The following CPT1B variants were observed in gnomAD, a reference collection of about 807,000 sequenced individuals.
CPT1B encodes the protein carnitine O-palmitoyltransferase 1, muscle isoform.
CPT1B carries 57 observed loss-of-function variants against 92.7 expected under a neutral mutation model. The observed-to-expected ratio is 0.62, with a 90% CI of 0.50 to 0.77. CPT1B has a LOEUF of 0.77. CPT1B is among the 30% of genes least tolerant of loss of function. The probability of loss-of-function intolerance (pLI) is 0.00; values close to 1 mark genes in which losing one functional copy is unlikely to be tolerated. For synonymous variants in CPT1B, 398 were observed against 383.5 expected (o/e 1.04, Z -0.44); for missense variants, 983 against 1,017.4 (o/e 0.97, Z 0.46).
chr22:50,570,831 C>A, intron 16 of CPT1B, 60 bp downstream of exon 16: 1 of 1,583,460 alleles, frequency 6.3e-7, no homozygotes, highest in Non-Finnish European at 8.6e-7. Context: ...CATGAGATGG[C>A]CCAAGCCCTG....
rs1005709421 is a variant in CPT1B at position 50,569,036 on chromosome 22, G to C, written c.*48C>G. On this transcript the variant is annotated 3_prime_UTR_variant, in exon 20 of 20. Transcript: ENST00000312108. ...CACCTCTGTGGTCTGAGCTGGGGGA[G>C]GGGGAGGGCCTCCGAGTTCCCAAAC... is the stretch of plus-strand genomic sequence containing the variant. 3 of 310,354 alleles carry C rather than the reference G, an allele frequency of 9.7e-6. No homozygotes were observed. The South Asian group carries it at 1.2e-4, about 12-fold the overall frequency. 19.2% of individuals were successfully genotyped at this position (310,354 alleles called of 1,614,324 possible).
chr22:50,569,739 T>G, intron 17 of CPT1B, 71 bp from the exon 18 acceptor site: 1 of 1,299,426 alleles, frequency 7.7e-7, no homozygotes, highest in Non-Finnish European at 1.1e-6. Flanking sequence ...GCTGATATTG[T>G]ACTTGTTCTT....
chr22:50,569,159 A>T (rs1312237089), intron 19 of CPT1B, 78 bp from the exon 20 acceptor site: 1 of 588,598 alleles, frequency 1.7e-6, no homozygotes, highest in Non-Finnish European at 3.0e-6. Context: ...TTCCTGCTCC[A>T]ACCCCACCTC....
chr22:50,572,972 C>A lies in CPT1B; in HGVS notation c.1255G>T (p.Val419Leu). Residue 419 changes from valine (V) to leucine (L), a missense_variant, in exon 11 of 20, where the codon GTG (valine) becomes TTG (leucine). Transcript: ENST00000312108. ...GAGTAGGATTCCTCATCCAGGGCCA[C>A]GAAGAAAGCGGCACGCTCGATGGCC... Reference protein sequence around the residue: ...LEAIERAAFFVALDEESYSYD... With the variant: ...LEAIERAAFFLALDEESYSYD... 1 of 1,613,728 alleles carries A rather than the reference C, an allele frequency of 6.2e-7. No individual in the cohort carries two copies. The highest frequency in any genetic ancestry group is 8.5e-7 in the Non-Finnish European group (1 of 1,179,868).
In CPT1B at chr22:50,573,834, C is replaced by T; in HGVS notation, c.971-119G>A. On this transcript the variant is annotated intron_variant, in intron 9 of 19. Coordinates refer to ENST00000312108, the MANE Select transcript of CPT1B (RefSeq NM_152246.3). The surrounding 1 kb of genome is among the most constrained non-coding windows in gnomAD (Gnocchi z 5.0). ...CTGTTTTGCTCGGCCTCTGCCTGGG[C>T]CTTCCTGCCCCCTGGATGGGATCCG... is the stretch of plus-strand genomic sequence containing the variant. 1 of 885,102 alleles carries T rather than the reference C, an allele frequency of 1.1e-6. No individual in the cohort carries two copies. Among genetic ancestry groups the T allele is most frequent in the Non-Finnish European group, 1.9e-6 (1 of 539,450 alleles). 54.8% of individuals were successfully genotyped at this position (885,102 alleles called of 1,614,324 possible).
rs1488827369 is a variant in CPT1B at position 50,576,656 on chromosome 22, G to C, written c.460-19C>G. On this transcript the variant is annotated intron_variant, in intron 4 of 19. Transcript: ENST00000312108. ...TACACATCTGGGGGTACAGAGCAGA[G>C]TGCTGGGGTGGGAGCCAGTGGAAAA... The C allele has an allele frequency of 6.2e-7, 1 of 1,608,000 alleles. No individual in the cohort carries two copies. The highest frequency in any genetic ancestry group is 1.1e-5 in the South Asian group (1 of 90,830).
At chr22:50,569,212 C>G in intron 19 of CPT1B, 124 bp downstream of exon 19, 1 of 877,404 alleles carries the variant, frequency 1.1e-6, no homozygotes, top group Non-Finnish European at 1.8e-6. Context: ...CCAGCGAGGA[C>G]CTGCTGCCGG....
chr22:50,571,381 G>A lies in CPT1B; in HGVS notation c.1734C>T (p.His578=), dbSNP rs769321732. The part of the protein sequence containing the change: ...AFVQIALQLA[H]FRDRGKFCLT... Reference sequence around the variant, plus strand: ...CGGGAGGCGGGGCTCCTACCCGGAAGTGAGCCAGCTGCAGCGCGATCTGCA... The same window carrying A: ...CGGGAGGCGGGGCTCCTACCCGGAAATGAGCCAGCTGCAGCGCGATCTGCA... The change falls in exon 14 of 20, where the codon CAC becomes CAT. Residue 578 remains histidine (H), a synonymous_variant. Coordinates refer to ENST00000312108, the MANE Select transcript of CPT1B (RefSeq NM_152246.3). The A allele has an allele frequency of 6.2e-7, 1 of 1,613,860 alleles. No homozygotes were observed. The highest frequency in any genetic ancestry group is 8.5e-7 in the Non-Finnish European group (1 of 1,179,986).
chr22:50,577,280 G>C, intron 3 of CPT1B, 44 bp downstream of exon 3: 1 of 1,608,778 alleles, frequency 6.2e-7, no homozygotes, highest in African/African-American at 1.3e-5. Context: ...GCTGGGCCCA[G>C]CCCTCCCTGG....
In CPT1B at chr22:50,576,600, A is replaced by G; in HGVS notation, c.497T>C (p.Leu166Pro). 7 of 1,610,336 alleles carry G rather than the reference A, an allele frequency of 4.3e-6. No individual in the cohort carries two copies. Among genetic ancestry groups the G allele is most frequent in the Non-Finnish European group, 5.9e-6 (7 of 1,178,498 alleles). ...IRLLSSRHPM[L>P]YSFQTSLPKL... The stretch of plus-strand genomic sequence containing the variant: ...GGGCAGAGATGTCTGGAAGCTGTAG[A>G]GCATAGGGTGCCGGCTGGATAGAAG... Residue 166 changes from leucine to proline, a missense_variant, in exon 5 of 20, where the codon CTC becomes CCC. Physicochemically the swap from Leu to Pro is moderately conservative, Grantham distance 98. Coordinates refer to ENST00000312108, the MANE Select transcript of CPT1B (RefSeq NM_152246.3).
Position 50,576,524 on chromosome 22 carries a change from C to A in CPT1B, c.561+12G>T. 3 of 1,596,054 alleles carry A rather than the reference C, an allele frequency of 1.9e-6. No homozygotes were observed. The highest frequency in any genetic ancestry group is 1.7e-6 in the Non-Finnish European group (2 of 1,170,806). The stretch of plus-strand genomic sequence containing the variant: ...TCCCCTGCCCACTGGGATGCCCAAG[C>A]GAGGCCCTCACCCGCTGAATTGTGG... On this transcript the variant is annotated intron_variant, in intron 5 of 19. Transcript: ENST00000312108.
Position 50,569,412 on chromosome 22 carries a change from G to C in CPT1B, c.2245C>G (p.Arg749Gly). The change falls in exon 19 of 20, where the codon CGC becomes GGC. Residue 749 changes from arginine to glycine, a missense_variant. Physicochemically the swap from Arg to Gly is moderately radical, Grantham distance 125. Transcript: ENST00000312108. ...KFSSSETNAQ[R>G]FGNHIRKALL... ...GCTTTGCGGATGTGGTTTCCAAAGC[G>C]CTGGGCGTTCTGTGGGAGCCAAGAG... 5 of 1,614,100 alleles carry C rather than the reference G, an allele frequency of 3.1e-6. No homozygotes were observed. Among genetic ancestry groups the C allele is most frequent in the Non-Finnish European group, 4.2e-6 (5 of 1,180,002 alleles).
chr22:50,577,274 G>GGCCCAGCCCTCCCTGGTGGCACCTGT, intron 3 of CPT1B, 50 bp downstream of exon 3: 2 of 1,606,274 alleles, frequency 1.2e-6, no homozygotes, highest in South Asian at 2.2e-5. Context: ...TTGGGAGCTG[G>GGCCCAGCCCTCCCTGGTGGCACCTGT]GCCCAGCCCT....
At chr22:50,572,788 A>G in intron 11 of CPT1B, 87 bp downstream of exon 11, 1 of 1,446,014 alleles carries the variant, frequency 6.9e-7, no homozygotes, top group Non-Finnish European at 9.5e-7. Context: ...CCAGCTCATA[A>G]CCCTACCTTC....
chr22:50,574,513 C>T lies in CPT1B; in HGVS notation c.865G>A (p.Asp289Asn). ...HAMIMYRRKL[D>N]REEIKPVMAL... The stretch of plus-strand genomic sequence containing the variant: ...CTCACAGGCTTGATTTCTTCACGGT[C>T]CAGTTTACGGCGATACATGATCATG... Residue 289 changes from aspartate to asparagine, a missense_variant, in exon 8 of 20, where the codon GAC (aspartate) becomes AAC (asparagine). Transcript: ENST00000312108. The T allele has an allele frequency of 1.2e-6, 2 of 1,614,148 alleles. No homozygotes were observed. Among genetic ancestry groups the T allele is most frequent in the Non-Finnish European group, 1.7e-6 (2 of 1,180,018 alleles).
rs755215674 is a variant in CPT1B at position 50,576,565 on chromosome 22, C to A, written c.532G>T (p.Val178Leu). Residue 178 changes from valine (V) to leucine (L), a missense_variant, in exon 5 of 20, where the codon GTG becomes TTG. Transcript: ENST00000312108. ...SFQTSLPKLP[V>L]PRVSATIQRY... ...TGAATTGTGGCTGACACCCTGGGCACAGGAAGCTTGGGCAGAGATGTCTGG... is the reference window on the plus strand; with the variant it reads ...TGAATTGTGGCTGACACCCTGGGCAAAGGAAGCTTGGGCAGAGATGTCTGG... 1.2e-6 allele frequency: 2 copies of A among 1,607,024 alleles called. No homozygotes were observed. The highest frequency in any genetic ancestry group is 1.7e-5 in the Admixed American group (1 of 58,578).
In CPT1B at chr22:50,569,674, G is replaced by A. The variant is rs2070065038; in HGVS notation, c.2143-6C>T. ...CCATAGCCATCATCTGCTACCTGAGGGCAACAAGAAGGGTGAAGAAGGCAT... is the reference window on the plus strand; with the variant it reads ...CCATAGCCATCATCTGCTACCTGAGAGCAACAAGAAGGGTGAAGAAGGCAT... On this transcript the variant is annotated splice_region_variant and splice_polypyrimidine_tract_variant and intron_variant, in intron 17 of 19. Coordinates refer to ENST00000312108, the MANE Select transcript of CPT1B (RefSeq NM_152246.3). 3 of 1,611,742 alleles carry A rather than the reference G, an allele frequency of 1.9e-6. No homozygotes were observed. In the African/African-American group the frequency reaches 4.0e-5, roughly 21 times the overall value.
At position 50,576,239 on chromosome 22, in the gene CPT1B, G is replaced by T. The variant is rs1324507046; in HGVS notation, c.658C>A (p.Gln220Lys). The change falls in exon 6 of 20, where the codon CAG (glutamine) becomes AAG (lysine). Residue 220 changes from glutamine (Q) to lysine (K), a missense_variant. Transcript: ENST00000312108. ...EFQDKTAPRL[Q>K]KYLVLKSWWA... ...CATGACTTGAGCACCAGGTATTTCT[G>T]CAGCCTGGGGGCAGTCTTGTCCTGG... 1 of 1,614,096 alleles carries T rather than the reference G, an allele frequency of 6.2e-7. No homozygotes were observed. The highest frequency in any genetic ancestry group is 8.5e-7 in the Non-Finnish European group (1 of 1,180,016).
At chr22:50,577,638 C>G in intron 2 of CPT1B, 137 bp downstream of exon 2, 2 of 1,425,406 alleles carry the variant, frequency 1.4e-6, no homozygotes. Context: ...ATCCTGTGCA[C>G]CCCTCTGGTG....
Sources: gnomAD v4.1 joint callset for allele counts on GRCh38, gnomAD v4.1.1 for gene constraint, Gnocchi (gnomAD v3.1) non-coding constraint, MANE v1.5 for transcripts, NCBI Gene and HGNC (gene_info 2026-07-23, HGNC 2026-07-21) for gene names.